GDAP1: variants seen among roughly 807,000 people sequenced by gnomAD.
GDAP1 encodes ganglioside induced differentiation associated protein 1.
Under a neutral mutation model 40.1 loss-of-function variants are expected in GDAP1, and 34 were observed. The ratio of observed to expected loss-of-function variants is 0.85; its 90% CI spans 0.64 to 1.13. The LOEUF (loss-of-function observed/expected upper bound fraction) is 1.13. Among genes scored for constraint, GDAP1 ranks in the 50% most tolerant of loss-of-function variants. GDAP1 has a pLI of 0.00. For missense variants in GDAP1, 374 were observed against 433.7 expected (o/e 0.86, Z 1.22); for synonymous variants, 170 against 157.4 (o/e 1.08, Z -0.60).
chr8:74,455,861 AG>A (rs1223529885), intron 2 of GDAP1, among the ~76,000 whole-genome samples: 1 of 151,920 alleles, frequency 6.6e-6, no homozygotes, highest in African/African-American at 2.4e-5. Flanking sequence ...TAAGGCAGGG[AG>A]TGGCACTGTG....
At chr8:74,367,098 C>CAA (rs71563287), downstream of GDAP1, 88,404 of 140,142 alleles carry the variant, frequency 0.63, 28,183 homozygotes, top group African/African-American at 0.72. Flanking sequence ...ACTGATCTCT[C>CAA]AAAAAAAAAA....
chr8:74,360,271 G>T lies in GDAP1; in HGVS notation c.445G>T (p.Asp149Tyr), dbSNP rs1443963090. The T allele has an allele frequency of 6.2e-7, 1 of 1,614,038 alleles. No homozygotes were observed. The highest frequency in any genetic ancestry group is 8.5e-7 in the Non-Finnish European group (1 of 1,179,952). ...GCILHPELTV[D>Y]SMIPAYATTR... is the part of the protein sequence containing the mutation. ...CATTTTACATCCTGAGTTAACTGTG[G>T]ACTCCATGATCCCGGCTTATGCAAC... The change falls in exon 3 of 6, where the codon GAC becomes TAC. Residue 149 changes from aspartate (D) to tyrosine (Y), a missense_variant. Physicochemically the swap from Asp to Tyr is radical, Grantham distance 160 (BLOSUM62 -3). Transcript: ENST00000220822.
At position 74,402,822 on chromosome 8, in the gene GDAP1, G is replaced by A. The variant is rs944259867; in HGVS notation, c.165+51501G>A. ...GTTAACCTGTAAAATTTCCAATTTA[G>A]TAGAAGTTACTCCTTCATAAAATTA... On this transcript the variant is annotated intron_variant, in intron 2 of 2. Transcript: ENST00000523640. Among the ~76,000 whole-genome samples the A allele has an allele frequency of 6.0e-5, 9 of 150,240 alleles. 3 individuals carry two copies. Among genetic ancestry groups the A allele is most frequent in the African/African-American group, 2.3e-4 (9 of 39,548 alleles).
intron 2 of GDAP1, among the ~76,000 whole-genome samples, chr8:74,393,933 C>T (rs953265467): frequency 6.6e-6 from 1 of 152,126 alleles, no homozygotes; most frequent in African/African-American, 2.4e-5. Flanking sequence ...CTGTTTTATA[C>T]CCTTTTTTCC....
chr8:74,470,198 G>A (rs1012814125), intron 2 of GDAP1, among the ~76,000 whole-genome samples: 2 of 151,892 alleles, frequency 1.3e-5, no homozygotes, highest in Non-Finnish European at 2.9e-5. Flanking sequence ...GTTAAGTAAA[G>A]TGATTTATTA....
At chr8:74,373,570 G>C (rs1323652208) in intron 2 of GDAP1, among the ~76,000 whole-genome samples, 1 of 152,178 alleles carries the variant, frequency 6.6e-6, no homozygotes, top group Non-Finnish European at 1.5e-5. Flanking sequence ...TCTGTTATTA[G>C]TGTATAAGAA....
At chr8:74,434,382 G>A (rs1221636329) in intron 2 of GDAP1, among the ~76,000 whole-genome samples, 2 of 152,134 alleles carry the variant, frequency 1.3e-5, no homozygotes, top group Non-Finnish European at 2.9e-5. Flanking sequence ...GATTGGAGTA[G>A]GCCACTGAAC....
At chr8:74,430,565 AT>A (rs1806012664) in intron 2 of GDAP1, among the ~76,000 whole-genome samples, 4 of 152,210 alleles carry the variant, frequency 2.6e-5, no homozygotes, top group Non-Finnish European at 4.4e-5. Flanking sequence ...GTGCACATAT[AT>A]ACAAGGGAAG....
chr8:74,396,543 C>A (rs1238374397), intron 2 of GDAP1, among the ~76,000 whole-genome samples: 4 of 147,576 alleles, frequency 2.7e-5, no homozygotes, highest in Non-Finnish European at 3.0e-5. Flanking sequence ...GTGTGATGTT[C>A]CCCTTCCTGT....
At position 74,364,623 on chromosome 8, in the gene GDAP1, A is replaced by G. The variant is rs969634329; in HGVS notation, c.*256A>G. On this transcript the variant is annotated 3_prime_UTR_variant, in exon 6 of 6. Transcript: ENST00000220822. Reference sequence around the variant, plus strand: ...GGAAAAATGAGAGAATGAAGTCTGTATAGGGTAGAGCAATAGAAAGTAAGC... The same window carrying G: ...GGAAAAATGAGAGAATGAAGTCTGTGTAGGGTAGAGCAATAGAAAGTAAGC... The G allele has an allele frequency of 8.3e-6, 5 of 604,228 alleles. No homozygotes were observed. Among genetic ancestry groups the G allele is most frequent in the Non-Finnish European group, 1.5e-5 (5 of 324,684 alleles). 37.4% of individuals were successfully genotyped at this position (604,228 alleles called of 1,614,324 possible).
At chr8:74,473,479 G>A (rs563904021) in intron 2 of GDAP1, among the ~76,000 whole-genome samples, 1 of 152,178 alleles carries the variant, frequency 6.6e-6, no homozygotes, top group South Asian at 2.1e-4. Flanking sequence ...TGTATATGGT[G>A]TATGGAAAGG....
chr8:74,384,646 C>T (rs1809999262), intron 2 of GDAP1, among the ~76,000 whole-genome samples: 1 of 152,032 alleles, frequency 6.6e-6, no homozygotes, highest in Admixed American at 6.6e-5. Flanking sequence ...AGAAATAAAC[C>T]CCACATCAAG....
At position 74,452,777 on chromosome 8, in the gene GDAP1, C is replaced by T. The variant is rs554581189; in HGVS notation, c.166-35901C>T. On this transcript the variant is annotated intron_variant, in intron 2 of 2. Coordinates refer to the GDAP1 transcript ENST00000523640. ...TGAATCATCTTGGGATTTGTTTCTA[C>T]TGATTGTTTTTTCTTTTGACCTTAA... 2.0e-4 allele frequency among the ~76,000 whole-genome samples: 17 copies of T among 83,612 alleles called. 7 individuals are homozygous for T. In the East Asian group the frequency reaches 6.0e-3, roughly 29 times the overall value. 54.9% of individuals were successfully genotyped at this position (83,612 alleles called of 152,430 possible). A position where few individuals can be genotyped will look rare whatever the true frequency, so the allele number is the denominator to read the frequency against.
At chr8:74,362,117 T>G (rs1809398694) in intron 4 of GDAP1, 139 bp downstream of exon 4, 1 of 677,160 alleles carries the variant, frequency 1.5e-6, no homozygotes, top group South Asian at 1.6e-5. Context: ...TGGCTTATGT[T>G]CTCCTTTTAG....
At position 74,416,929 on chromosome 8, in the gene GDAP1, G is replaced by GTTT. The variant is rs71269992; in HGVS notation, c.165+65620_165+65622dup. Among the ~76,000 whole-genome samples, 74 of 134,182 alleles carry GTTT rather than the reference G, an allele frequency of 5.5e-4. 8 individuals are homozygous for GTTT. The highest frequency in any genetic ancestry group is 2.2e-3 in the African/African-American group (72 of 32,578). The allele number at this position is 134,182 out of a possible 152,430, so 88.0% of individuals were successfully genotyped here. The stretch of plus-strand genomic sequence containing the variant: ...TTTTTTTTTTGTTTTTTTGTTTTTT[G>GTTT]TTTTTTTTTTTTTTAACAGAGGCAT... On this transcript the variant is annotated intron_variant, in intron 2 of 2. Coordinates refer to the GDAP1 transcript ENST00000523640.
At chr8:74,368,270 A>T (rs1179480982), downstream of GDAP1, among the ~76,000 whole-genome samples, 1 of 152,178 alleles carries the variant, frequency 6.6e-6, no homozygotes, top group Non-Finnish European at 1.5e-5. Context: ...ACCAGCATGT[A>T]TAAGTACAGC....
At chr8:74,360,026 T>C in intron 2 of GDAP1, 111 bp from the exon 3 acceptor site, 1 of 785,462 alleles carries the variant, frequency 1.3e-6, no homozygotes, top group South Asian at 1.4e-5. Flanking sequence ...TTTTTGAATA[T>C]ACAGATATGT....
intron 2 of GDAP1, among the ~76,000 whole-genome samples, chr8:74,450,505 T>G (rs948214392): frequency 6.6e-6 from 1 of 151,950 alleles, no homozygotes; most frequent in African/African-American, 2.4e-5. Flanking sequence ...TTTATGGATT[T>G]GAATGACTGT....
downstream of GDAP1, among the ~76,000 whole-genome samples, chr8:74,368,011 T>C (rs1586810891): frequency 6.6e-6 from 1 of 152,206 alleles, no homozygotes; most frequent in East Asian, 1.9e-4. Flanking sequence ...GGTGTATCTA[T>C]TTCATTCACA....
Sources: gnomAD v4.1 joint callset for allele counts (sites outside exome capture counted in the v4.1 genomes callset) on GRCh38, gnomAD v4.1.1 for gene constraint, MANE v1.5 for transcripts, NCBI Gene and HGNC (gene_info 2026-07-23, HGNC 2026-07-21) for gene names.